Variants in LDAH observed in about 807,000 individuals in gnomAD.
LDAH encodes the protein lipid droplet associated hydrolase.
Under a neutral mutation model 29.6 loss-of-function variants are expected in LDAH, and 26 were observed. The ratio of observed to expected loss-of-function variants is 0.88; its 90% CI spans 0.64 to 1.22. LDAH has a LOEUF of 1.22. Among genes scored for constraint, LDAH ranks in the 50% most tolerant of loss-of-function variants. The probability of loss-of-function intolerance (pLI) is 0.00; values close to 1 mark genes in which losing one functional copy is unlikely to be tolerated. For missense variants in LDAH, 344 were observed against 387.3 expected (o/e 0.89, Z 0.94); for synonymous variants, 117 against 133.0 (o/e 0.88, Z 0.83).
chr2:20,775,112 T>C, intron 3 of LDAH, 133 bp from the exon 4 acceptor site: 2 of 722,848 alleles, frequency 2.8e-6, no homozygotes, highest in Non-Finnish European at 2.2e-6. Flanking sequence ...GTGATAATAT[T>C]AGGCATTCAT....
At chr2:20,694,975 A>C (rs1221586802) in intron 6 of LDAH, among the ~76,000 whole-genome samples, 1 of 152,240 alleles carries the variant, frequency 6.6e-6, no homozygotes, top group Non-Finnish European at 1.5e-5. Flanking sequence ...CCTCTGGCAA[A>C]GTAAGAGGCC....
At chr2:20,766,606 C>T (rs184695294) in intron 4 of LDAH, among the ~76,000 whole-genome samples, 21 of 152,376 alleles carry the variant, frequency 1.4e-4, no homozygotes, top group African/African-American at 4.6e-4. Flanking sequence ...GCACAGTCTA[C>T]TGTCTTGACT....
intron 5 of LDAH, among the ~76,000 whole-genome samples, chr2:20,706,762 T>C (rs1247355342): frequency 1.3e-5 from 2 of 151,514 alleles, no homozygotes; most frequent in African/African-American, 4.8e-5. Context: ...CACTGGATAT[T>C]GGGCAACAAA....
intron 6 of LDAH, among the ~76,000 whole-genome samples, chr2:20,690,143 C>T (rs1004134197): frequency 7.9e-5 from 12 of 152,158 alleles, no homozygotes; most frequent in East Asian, 1.9e-4. Flanking sequence ...ACACCATCCC[C>T]GTACATGCAG....
intron 4 of LDAH, among the ~76,000 whole-genome samples, chr2:20,754,010 G>A (rs913696031): frequency 1.3e-5 from 2 of 152,098 alleles, no homozygotes; most frequent in Admixed American, 1.3e-4. Flanking sequence ...GCTTATAAAA[G>A]AATATTGAGT....
chr2:20,812,066 G>A (rs951815864), intron 1 of LDAH, among the ~76,000 whole-genome samples: 1 of 152,076 alleles, frequency 6.6e-6, no homozygotes, highest in Non-Finnish European at 1.5e-5. Flanking sequence ...CATATAGGGG[G>A]AAATGTAAAA....
chr2:20,801,471 T>C lies in LDAH; in HGVS notation c.-2-6A>G, dbSNP rs778874031. On this transcript the variant is annotated splice_polypyrimidine_tract_variant and splice_region_variant and intron_variant, in intron 1 of 6. Coordinates refer to ENST00000237822, the MANE Select transcript of LDAH (RefSeq NM_021925.4). ...CTTGAGTTCTGAGTCCATTTCTAAA[T>C]AAGGGGAGAAAAGTAGTATGAAGAG... 1.9e-6 allele frequency: 3 copies of C among 1,612,212 alleles called. No homozygotes were observed. Among genetic ancestry groups the C allele is most frequent in the Non-Finnish European group, 2.5e-6 (3 of 1,178,526 alleles).
intron 5 of LDAH, among the ~76,000 whole-genome samples, chr2:20,720,048 T>C (rs1665535156): frequency 6.6e-6 from 1 of 151,798 alleles, no homozygotes; most frequent in Admixed American, 6.6e-5. Context: ...CACTAACATC[T>C]AACAAGACAA....
At chr2:20,766,662 T>C (rs1046929451) in intron 4 of LDAH, among the ~76,000 whole-genome samples, 2 of 152,260 alleles carry the variant, frequency 1.3e-5, no homozygotes, top group South Asian at 2.1e-4. Context: ...GATCCATTAA[T>C]GGATTGCAGC....
intron 1 of LDAH, among the ~76,000 whole-genome samples, chr2:20,811,747 G>A (rs1298672575): frequency 6.6e-6 from 1 of 152,162 alleles, no homozygotes; most frequent in African/African-American, 2.4e-5. Flanking sequence ...GCCTCCCAAA[G>A]TGCTGGGATT....
intron 2 of LDAH, among the ~76,000 whole-genome samples, chr2:20,793,879 C>T (rs1325721143): frequency 2.0e-5 from 3 of 152,090 alleles, no homozygotes; most frequent in Non-Finnish European, 4.4e-5. Context: ...TAAAAATCTT[C>T]CCACAAAGAA....
At chr2:20,777,663 G>A (rs1669914596) in intron 3 of LDAH, among the ~76,000 whole-genome samples, 1 of 152,082 alleles carries the variant, frequency 6.6e-6, no homozygotes, top group African/African-American at 2.4e-5. Context: ...ACCCACCTCG[G>A]CCTCCTGAAG....
intron 2 of LDAH, among the ~76,000 whole-genome samples, chr2:20,799,302 G>A (rs1325276582): frequency 2.0e-5 from 3 of 152,112 alleles, no homozygotes; most frequent in South Asian, 4.2e-4. Flanking sequence ...GGTTGCCTCT[G>A]AGAACATCTG....
intron 2 of LDAH, among the ~76,000 whole-genome samples, chr2:20,795,958 CACA>C (rs1671278246): frequency 1.3e-5 from 2 of 151,006 alleles, no homozygotes; most frequent in African/African-American, 4.9e-5. Context: ...CACACACACA[CACA>C]CACACACACA....
At chr2:20,691,692 T>C (rs530836867) in intron 6 of LDAH, among the ~76,000 whole-genome samples, 9 of 152,248 alleles carry the variant, frequency 5.9e-5, no homozygotes, top group Non-Finnish European at 1.0e-4. Flanking sequence ...CTCATGAGAG[T>C]TGATAAAAAG....
intron 3 of LDAH, among the ~76,000 whole-genome samples, chr2:20,786,225 T>C (rs1670539511): frequency 6.6e-6 from 1 of 152,172 alleles, no homozygotes. Context: ...GGTCTCACTC[T>C]GTCGCCCAGG....
At position 20,698,154 on chromosome 2, in the gene LDAH, T is replaced by C. The variant is rs370955671; in HGVS notation, c.786+3416A>G. Reference sequence around the variant, plus strand: ...AGTTAATGGCGTCCCCATCTATCCATCTGTCTAGCACATATTTACTGACTG... The same window carrying C: ...AGTTAATGGCGTCCCCATCTATCCACCTGTCTAGCACATATTTACTGACTG... On this transcript the variant is annotated intron_variant, in intron 6 of 6. Coordinates refer to ENST00000237822, the MANE Select transcript of LDAH (RefSeq NM_021925.4). This position sits in a 1 kb window ranked among gnomAD's most constrained non-coding sequence, Gnocchi z 4.4. 4.6e-5 allele frequency among the ~76,000 whole-genome samples: 7 copies of C among 152,310 alleles called. No individual in the cohort carries two copies. Among genetic ancestry groups the C allele is most frequent in the Admixed American group, 2.6e-4 (4 of 15,310 alleles).
chr2:20,713,040 A>G (rs181920908), intron 5 of LDAH, among the ~76,000 whole-genome samples: 1 of 152,162 alleles, frequency 6.6e-6, no homozygotes, highest in East Asian at 1.9e-4. Context: ...TACAGAGAAC[A>G]CCACAAAGAT....
At chr2:20,717,731 ATTTG>A (rs1665325158) in intron 5 of LDAH, among the ~76,000 whole-genome samples, 1 of 152,106 alleles carries the variant, frequency 6.6e-6, no homozygotes. Context: ...CATGTTTTGT[ATTTG>A]TTTCTTTTCT....
Sources: gnomAD v4.1 joint callset for allele counts (sites outside exome capture counted in the v4.1 genomes callset) on GRCh38, gnomAD v4.1.1 for gene constraint, Gnocchi (gnomAD v3.1) non-coding constraint, MANE v1.5 for transcripts, NCBI Gene and HGNC (gene_info 2026-07-23, HGNC 2026-07-21) for gene names.